The following LOC128125822 variants were observed in gnomAD, a reference collection of about 807,000 sequenced individuals.
the LOC128125822 span, chr6:63,576,377 T>C: frequency 5.0e-6 from 2 of 399,518 alleles, no homozygotes; most frequent in Non-Finnish European, 8.8e-6. Context: ...AACCCTAATG[T>C]ATTTCTTTTG....
the LOC128125822 span, among the ~76,000 whole-genome samples, chr6:63,576,021 A>G: frequency 6.6e-6 from 1 of 151,592 alleles, no homozygotes; most frequent in African/African-American, 2.4e-5. Flanking sequence ...ATCAACATAA[A>G]GTGTATGTAA....
chr6:63,572,962 G>A, the LOC128125822 span, among the ~76,000 whole-genome samples: 23 of 152,226 alleles, frequency 1.5e-4, 1 homozygote, highest in South Asian at 3.7e-3. Context: ...CGGAGGCACC[G>A]GCTTTTGAGT....
the LOC128125822 span, chr6:63,572,604 T>TCCGCCACGACCACCGCCGCC: frequency 2.4e-6 from 1 of 418,396 alleles, no homozygotes; most frequent in African/African-American, 2.1e-5. Flanking sequence ...CCACCGCCGC[T>TCCGCCACGACCACCGCCGCC]CCGCCACGAC....
At chr6:63,579,822 T>C in the LOC128125822 span, among the ~76,000 whole-genome samples, 1 of 152,180 alleles carries the variant, frequency 6.6e-6, no homozygotes, top group Non-Finnish European at 1.5e-5. Flanking sequence ...TGTAAATGGA[T>C]TTGTGAGTCG....
the LOC128125822 span, among the ~76,000 whole-genome samples, chr6:63,573,992 G>A: frequency 6.6e-6 from 1 of 152,102 alleles, no homozygotes. Flanking sequence ...AATTCTGAGG[G>A]TTTTTTATCT....
At chr6:63,573,402 C>T in the LOC128125822 span, 1 of 152,242 alleles carries the variant, frequency 6.6e-6, no homozygotes. Context: ...TGCAGCTACA[C>T]TCTTGTGCTC....
the LOC128125822 span, among the ~76,000 whole-genome samples, chr6:63,574,381 A>G: frequency 6.6e-6 from 1 of 152,152 alleles, no homozygotes; most frequent in Non-Finnish European, 1.5e-5. Flanking sequence ...AAAAATCCCC[A>G]TTATGGATAG....
chr6:63,581,156 T>A, the LOC128125822 span: 1 of 152,394 alleles, frequency 6.6e-6, no homozygotes, highest in Non-Finnish European at 1.5e-5. Flanking sequence ...TTTTTTTCCT[T>A]CCCAACCTCT....
the LOC128125822 span, chr6:63,572,774 C>G: frequency 2.8e-5 from 11 of 398,416 alleles, no homozygotes; most frequent in Middle Eastern, 6.2e-4. Context: ...ACCGGCCCCC[C>G]ATCCCCGCTG....
the LOC128125822 span, chr6:63,578,977 G>C: frequency 6.2e-7 from 1 of 1,607,722 alleles, no homozygotes; most frequent in Non-Finnish European, 8.5e-7. Context: ...ATTAAGTTTC[G>C]TGAAGAACCT....
chr6:63,578,467 G>T, the LOC128125822 span: 1 of 1,610,118 alleles, frequency 6.2e-7, no homozygotes, highest in Non-Finnish European at 8.5e-7. Flanking sequence ...TACCACAATA[G>T]TAAGAGTATG....
chr6:63,576,052 C>G, the LOC128125822 span, among the ~76,000 whole-genome samples: 4 of 150,658 alleles, frequency 2.7e-5, no homozygotes, highest in South Asian at 4.2e-4. Flanking sequence ...AAGAAAACAA[C>G]TATCGAAAGG....
At chr6:63,579,385 G>T in the LOC128125822 span, 1 of 1,393,562 alleles carries the variant, frequency 7.2e-7, no homozygotes, top group South Asian at 1.3e-5. Context: ...CTTGTTGAGT[G>T]TCAGTGAGTT....
the LOC128125822 span, chr6:63,576,763 G>A: frequency 2.5e-5 from 19 of 755,360 alleles, no homozygotes; most frequent in Non-Finnish European, 3.9e-5. Context: ...CATACTCAAA[G>A]CACTGAGAAT....
chr6:63,578,287 T>G, the LOC128125822 span: 1 of 1,000,306 alleles, frequency 1.0e-6, no homozygotes. Context: ...AAAATTTGCT[T>G]TTGTGTTAAA....
chr6:63,575,040 T>C, the LOC128125822 span, among the ~76,000 whole-genome samples: 1 of 152,216 alleles, frequency 6.6e-6, no homozygotes, highest in Non-Finnish European at 1.5e-5. Context: ...ACCAGAAAAG[T>C]AGACTGGGTT....
chr6:63,582,770 C>G, the LOC128125822 span: 3 of 152,164 alleles, frequency 2.0e-5, no homozygotes, highest in Non-Finnish European at 4.4e-5. Flanking sequence ...AAGTAGGTGC[C>G]ATTGGTCATT....
chr6:63,578,655 A>T, the LOC128125822 span: 2 of 1,342,666 alleles, frequency 1.5e-6, no homozygotes, highest in Non-Finnish European at 2.0e-6. Flanking sequence ...CAAATATTAT[A>T]TTATTGTGCA....
chr6:63,582,084 C>T, the LOC128125822 span: 2 of 152,020 alleles, frequency 1.3e-5, no homozygotes, highest in African/African-American at 4.8e-5. Flanking sequence ...GGATTTTAGA[C>T]AGGGCAAAAG....
Sources: allele counts gnomAD v4.1 joint callset (sites outside exome capture counted in the v4.1 genomes callset), GRCh38; gene constraint gnomAD v4.1.1; transcripts MANE v1.5.